PPP1R14C: variants seen among roughly 807,000 people sequenced by gnomAD.
PPP1R14C encodes the protein protein phosphatase 1 regulatory inhibitor subunit 14C, also known as protein phosphatase 1 regulatory subunit 14C.
Under a neutral mutation model 20.4 loss-of-function variants are expected in PPP1R14C, and 16 were observed. The ratio of observed to expected loss-of-function variants is 0.78; its 90% CI spans 0.53 to 1.19. The LOEUF (loss-of-function observed/expected upper bound fraction) is 1.19, where lower values mean the gene tolerates loss of function less well. Ranked by LOEUF, PPP1R14C falls within the 50% of genes most tolerant of loss-of-function variation. The pLI is 0.00. For missense variants in PPP1R14C, 211 were observed against 220.1 expected (o/e 0.96, Z 0.26); for synonymous variants, 91 against 91.0 (o/e 1.00, Z 0.00).
chr6:150,183,377 AT>A (rs1437713327), intron 1 of PPP1R14C, among the ~76,000 whole-genome samples: 6 of 152,238 alleles, frequency 3.9e-5, no homozygotes, highest in African/African-American at 1.4e-4. Flanking sequence ...AGAATAAAAA[AT>A]AAACATATTT....
chr6:150,191,324 AAG>A (rs1777743943), intron 1 of PPP1R14C, among the ~76,000 whole-genome samples: 1 of 152,206 alleles, frequency 6.6e-6, no homozygotes, highest in Non-Finnish European at 1.5e-5. Context: ...TAGGAGTGCA[AAG>A]ATTCTGTCAA....
chr6:150,217,798 C>T (rs1387079660), intron 3 of PPP1R14C, among the ~76,000 whole-genome samples: 1 of 152,176 alleles, frequency 6.6e-6, no homozygotes, highest in African/African-American at 2.4e-5. Flanking sequence ...CTGTTTGTAA[C>T]ATCAAAGCAA....
rs1778531307 is a variant in PPP1R14C, at chr6:150,249,146, A to G, written c.*326A>G. On this transcript the variant is annotated 3_prime_UTR_variant, in exon 4 of 4. Coordinates refer to ENST00000361131, the MANE Select transcript of PPP1R14C (RefSeq NM_030949.3). ...GTTTCCTGCAAGGACTCAGATGTTC[A>G]GTACCTTATGATACAGGGAAGATAG... 2 of 409,912 alleles carry G rather than the reference A, an allele frequency of 4.9e-6. No individual in the cohort carries two copies. Among genetic ancestry groups the G allele is most frequent in the Non-Finnish European group, 8.6e-6 (2 of 233,030 alleles). The allele number at this position is 409,912 out of a possible 1,614,324, so 25.4% of individuals were successfully genotyped here.
Position 150,249,735 on chromosome 6 carries a change from A to G in PPP1R14C, c.*915A>G. ...ATTCTCTCTCCAGGAAAGCAGATCA[A>G]AAGAAAGTTAGCAGATCGAGTGTCT... On this transcript the variant is annotated 3_prime_UTR_variant, in exon 4 of 4. Coordinates refer to ENST00000361131, the MANE Select transcript of PPP1R14C (RefSeq NM_030949.3). The G allele has an allele frequency of 2.5e-6, 1 of 395,798 alleles. No homozygotes were observed. Among genetic ancestry groups the G allele is most frequent in the South Asian group, 1.4e-4 (1 of 7,006 alleles). 24.5% of individuals were successfully genotyped at this position (395,798 alleles called of 1,614,324 possible). A position where few individuals can be genotyped will look rare whatever the true frequency, so the allele number is the denominator to read the frequency against.
rs1190728844 is a variant in PPP1R14C at position 150,166,655 on chromosome 6, C to G, written c.306+23157C>G. On this transcript the variant is annotated intron_variant, in intron 1 of 3. Transcript: ENST00000361131. ...CCATGTCTGGTGGCTGCAGTTTGAG[C>G]TGCTCTGAAGCCTTTTGAGGCCACT... Among the ~76,000 whole-genome samples the G allele has an allele frequency of 2.0e-5, 3 of 152,332 alleles. No homozygotes were observed. In the East Asian group the frequency reaches 5.8e-4, roughly 29 times the overall value.
At chr6:150,189,780 G>A (rs1286916416) in intron 1 of PPP1R14C, among the ~76,000 whole-genome samples, 1 of 152,156 alleles carries the variant, frequency 6.6e-6, no homozygotes, top group African/African-American at 2.4e-5. Flanking sequence ...TTATTATCAA[G>A]CACACCTCTG....
intron 1 of PPP1R14C, among the ~76,000 whole-genome samples, chr6:150,207,064 C>A (rs1446634076): frequency 1.3e-5 from 2 of 152,040 alleles, no homozygotes; most frequent in Admixed American, 6.6e-5. Context: ...AGGGTTTCAA[C>A]ACGTTGGTCA....
chr6:150,216,441 G>A (rs11962230), intron 2 of PPP1R14C, among the ~76,000 whole-genome samples: 31,838 of 151,970 alleles, frequency 0.21, 4,945 homozygotes, highest in African/African-American at 0.43. Flanking sequence ...GTTGCAATGA[G>A]CTGAGATCGC....
In PPP1R14C at chr6:150,246,593, T is replaced by C. The variant is rs914046740; in HGVS notation, c.424-2153T>C. On this transcript the variant is annotated intron_variant, in intron 3 of 3. Transcript: ENST00000361131. ...ATTTTACTTCACTTGTATTTCATTC[T>C]GTACAAGTTCAGAAATGGTGGTGAT... is the stretch of plus-strand genomic sequence containing the variant. 5.9e-5 allele frequency among the ~76,000 whole-genome samples: 9 copies of C among 152,352 alleles called. No homozygotes were observed. The South Asian group carries it at 1.7e-3, about 28-fold the overall frequency.
chr6:150,163,910 G>A (rs1036147568), intron 1 of PPP1R14C, among the ~76,000 whole-genome samples: 2 of 152,134 alleles, frequency 1.3e-5, no homozygotes, highest in Non-Finnish European at 2.9e-5. Flanking sequence ...CAAAATTGCT[G>A]GCTTATAGAG....
intron 3 of PPP1R14C, among the ~76,000 whole-genome samples, chr6:150,237,915 AG>A (rs1380993742): frequency 1.3e-5 from 2 of 152,162 alleles, no homozygotes; most frequent in Non-Finnish European, 2.9e-5. Flanking sequence ...TCTGTTTCAA[AG>A]GGTTCTTCTA....
intron 3 of PPP1R14C, among the ~76,000 whole-genome samples, chr6:150,229,858 G>C (rs1052758243): frequency 6.6e-6 from 1 of 152,068 alleles, no homozygotes; most frequent in Non-Finnish European, 1.5e-5. Flanking sequence ...CCTCTCGAAA[G>C]ATAAAAACAA....
chr6:150,174,147 A>C (rs1006867634), intron 1 of PPP1R14C, among the ~76,000 whole-genome samples: 1 of 147,564 alleles, frequency 6.8e-6, no homozygotes, highest in African/African-American at 2.5e-5. Context: ...TAGCATATTC[A>C]TCACCTCACA....
chr6:150,220,532 T>C (rs2114915633), intron 3 of PPP1R14C, among the ~76,000 whole-genome samples: 1 of 152,300 alleles, frequency 6.6e-6, no homozygotes, highest in Non-Finnish European at 1.5e-5. Flanking sequence ...TGTAGATGAA[T>C]GAACATGTAA....
At chr6:150,242,420 G>T (rs529956569) in intron 3 of PPP1R14C, among the ~76,000 whole-genome samples, 2 of 152,110 alleles carry the variant, frequency 1.3e-5, no homozygotes, top group Non-Finnish European at 2.9e-5. Flanking sequence ...TTTAACATTC[G>T]AAAATCAATG....
At chr6:150,160,256 C>T (rs376048994) in intron 1 of PPP1R14C, among the ~76,000 whole-genome samples, 1,759 of 100,918 alleles carry the variant, frequency 0.017, 95 homozygotes, top group African/African-American at 0.068. Context: ...GTAGCTCATT[C>T]TTTTTTTTTT....
At chr6:150,222,579 C>G (rs1298494790) in intron 3 of PPP1R14C, among the ~76,000 whole-genome samples, 1 of 152,124 alleles carries the variant, frequency 6.6e-6, no homozygotes, top group Admixed American at 6.5e-5. Context: ...TGTCACTGCC[C>G]TAACAATCCT....
intron 3 of PPP1R14C, among the ~76,000 whole-genome samples, chr6:150,242,184 T>A (rs1778440021): frequency 6.6e-6 from 1 of 152,134 alleles, no homozygotes; most frequent in Non-Finnish European, 1.5e-5. Context: ...CAGTGGGGAA[T>A]TTTACCAGAC....
chr6:150,207,278 T>C (rs1777965253), intron 1 of PPP1R14C, among the ~76,000 whole-genome samples: 1 of 152,212 alleles, frequency 6.6e-6, no homozygotes, highest in African/African-American at 2.4e-5. Flanking sequence ...ACTGGTAATA[T>C]AGGATCCCAC....
Sources: gnomAD v4.1 joint callset for allele counts (sites outside exome capture counted in the v4.1 genomes callset) on GRCh38, gnomAD v4.1.1 for gene constraint, MANE v1.5 for transcripts, NCBI Gene and HGNC (gene_info 2026-07-23, HGNC 2026-07-21) for gene names.